The following CFAP299 variants were observed in gnomAD, a reference collection of about 807,000 sequenced individuals.
CFAP299 encodes the protein cilia- and flagella-associated protein 299.
A neutral mutation model predicts 27.0 loss-of-function variants in CFAP299; 21 were observed. That is an observed-to-expected ratio of 0.78 (90% confidence interval 0.55 to 1.12). CFAP299 has a LOEUF of 1.12. CFAP299 is among the 50% of genes most tolerant of loss of function. The pLI is 0.00. For synonymous variants in CFAP299, 104 were observed against 98.1 expected, an observed-to-expected ratio of 1.06 and a Z score of -0.36; for missense variants, 310 against 276.6, an observed-to-expected ratio of 1.12 and a Z score of -0.86.
At chr4:80,687,488 G>A (rs1239368537) in intron 3 of CFAP299, among the ~76,000 whole-genome samples, 1 of 151,914 alleles carries the variant, frequency 6.6e-6, no homozygotes, top group Non-Finnish European at 1.5e-5. Context: ...AATTTCAACT[G>A]AGGTGAGCCA....
chr4:80,799,721 A>C (rs1209033475), intron 3 of CFAP299, among the ~76,000 whole-genome samples: 2 of 55,218 alleles, frequency 3.6e-5, no homozygotes, highest in Non-Finnish European at 5.8e-5. Context: ...TATATATTAT[A>C]TTTTATAAAT....
intron 2 of CFAP299, among the ~76,000 whole-genome samples, chr4:80,560,032 C>A (rs573333219): frequency 3.3e-5 from 5 of 152,092 alleles, no homozygotes; most frequent in Non-Finnish European, 5.9e-5. Flanking sequence ...CCTCCCCTAA[C>A]CCCAGGCTGC....
At chr4:80,480,056 A>G (rs1214489414) in intron 2 of CFAP299, among the ~76,000 whole-genome samples, 2 of 152,006 alleles carry the variant, frequency 1.3e-5, no homozygotes, top group East Asian at 3.8e-4. Flanking sequence ...CCTATTTAAT[A>G]TATTCTTTTC....
At chr4:80,580,021 AG>A (rs1436925884) in intron 2 of CFAP299, among the ~76,000 whole-genome samples, 2 of 152,128 alleles carry the variant, frequency 1.3e-5, no homozygotes, top group Non-Finnish European at 2.9e-5. Flanking sequence ...GGAATTCTGT[AG>A]TACCCTAACT....
At chr4:80,939,182 T>C (rs1382228351) in intron 4 of CFAP299, among the ~76,000 whole-genome samples, 1 of 152,230 alleles carries the variant, frequency 6.6e-6, no homozygotes, top group East Asian at 1.9e-4. Flanking sequence ...TTGGGAATCT[T>C]TGTGCATCAT....
chr4:80,819,461 A>G (rs1400155110), intron 3 of CFAP299, among the ~76,000 whole-genome samples: 1 of 152,144 alleles, frequency 6.6e-6, no homozygotes, highest in East Asian at 1.9e-4. Flanking sequence ...TGAGCTAGCC[A>G]TATCCACAAG....
rs1389385213 is a variant in CFAP299, at chr4:80,431,370, C to CA, written c.242+68486_242+68487insA. Reference sequence around the variant, plus strand: ...TTCCTTTTTTCCCTCCATCTCTCCCCCCTTCCTTCCCTTCTTCCTCCCTCT... The same window carrying CA: ...TTCCTTTTTTCCCTCCATCTCTCCCCACCTTCCTTCCCTTCTTCCTCCCTCT... On this transcript the variant is annotated intron_variant, in intron 2 of 5. Transcript: ENST00000358105. 7.6e-5 allele frequency among the ~76,000 whole-genome samples: 11 copies of CA among 145,468 alleles called. No individual in the cohort carries two copies. The East Asian group carries it at 1.7e-3, about 22-fold the overall frequency.
chr4:80,958,667 C>T (rs1738184796), intron 5 of CFAP299, among the ~76,000 whole-genome samples: 1 of 152,186 alleles, frequency 6.6e-6, no homozygotes, highest in Non-Finnish European at 1.5e-5. Context: ...TATCTCATTA[C>T]TGCATTCAGT....
intron 2 of CFAP299, among the ~76,000 whole-genome samples, chr4:80,473,945 T>A (rs936917588): frequency 2.6e-5 from 4 of 152,184 alleles, no homozygotes; most frequent in Non-Finnish European, 5.9e-5. Flanking sequence ...TATTAAAAAC[T>A]TTTACAGTCA....
intron 2 of CFAP299, among the ~76,000 whole-genome samples, chr4:80,444,968 A>G (rs1222197727): frequency 1.3e-5 from 2 of 152,244 alleles, no homozygotes; most frequent in Admixed American, 1.3e-4. Context: ...CGAAACCACA[A>G]TGAGATACCA....
intron 2 of CFAP299, among the ~76,000 whole-genome samples, chr4:80,450,689 A>AT (rs148965942): frequency 0.016 from 2,495 of 152,178 alleles, 62 homozygotes; most frequent in African/African-American, 0.055. Flanking sequence ...AGATGTTCAT[A>AT]TATGTCAAAG....
At chr4:80,689,211 G>A (rs988583022) in intron 3 of CFAP299, among the ~76,000 whole-genome samples, 9 of 152,132 alleles carry the variant, frequency 5.9e-5, no homozygotes, top group African/African-American at 9.6e-5. Flanking sequence ...GATACTCCTC[G>A]AGAAGAGCAA....
At chr4:80,905,449 T>G (rs1460398642) in intron 4 of CFAP299, among the ~76,000 whole-genome samples, 1 of 152,188 alleles carries the variant, frequency 6.6e-6, no homozygotes, top group African/African-American at 2.4e-5. Context: ...TAAAATATAT[T>G]GTAATCAGGA....
At chr4:80,837,372 G>T (rs1324179516) in intron 3 of CFAP299, among the ~76,000 whole-genome samples, 1 of 152,068 alleles carries the variant, frequency 6.6e-6, no homozygotes, top group Non-Finnish European at 1.5e-5. Flanking sequence ...TGCCATGGTG[G>T]TTTGCTGCAC....
At chr4:80,452,808 T>G (rs974494097) in intron 2 of CFAP299, among the ~76,000 whole-genome samples, 1 of 152,236 alleles carries the variant, frequency 6.6e-6, no homozygotes, top group East Asian at 1.9e-4. Flanking sequence ...TCCGTCCGCA[T>G]TGATGTTTTC....
intron 1 of CFAP299, among the ~76,000 whole-genome samples, chr4:80,354,329 A>G (rs962787410): frequency 4.6e-5 from 7 of 152,216 alleles, no homozygotes; most frequent in Admixed American, 2.6e-4. Flanking sequence ...TTTATTGTAT[A>G]TATACTTAAT....
intron 1 of CFAP299, among the ~76,000 whole-genome samples, chr4:80,339,894 G>A (rs1295936394): frequency 6.6e-6 from 1 of 152,156 alleles, no homozygotes; most frequent in African/African-American, 2.4e-5. Context: ...TCAGGTAAAG[G>A]ATCAAAGAGT....
chr4:80,833,503 G>A (rs1361390991), intron 3 of CFAP299, among the ~76,000 whole-genome samples: 1 of 152,080 alleles, frequency 6.6e-6, no homozygotes, highest in Non-Finnish European at 1.5e-5. Context: ...AGGAAATGAG[G>A]AGGGAAGAAG....
intron 3 of CFAP299, among the ~76,000 whole-genome samples, chr4:80,671,219 T>G (rs1253260256): frequency 1.3e-5 from 2 of 152,192 alleles, no homozygotes; most frequent in Non-Finnish European, 2.9e-5. Context: ...GCTAGCCAGT[T>G]TTCCCAGCAC....
Sources: allele counts gnomAD v4.1 joint callset (sites outside exome capture counted in the v4.1 genomes callset), GRCh38; gene constraint gnomAD v4.1.1; transcripts MANE v1.5; gene names NCBI Gene and HGNC (gene_info 2026-07-23, HGNC 2026-07-21).